ELMO1: variants seen among roughly 807,000 people sequenced by gnomAD.
The protein encoded by ELMO1 is engulfment and cell motility 1, also known as engulfment and cell motility protein 1.
Under a neutral mutation model 98.9 loss-of-function variants are expected in ELMO1, and 26 were observed. That is an observed-to-expected ratio of 0.26 (90% CI 0.19 to 0.36). The LOEUF is 0.36. Ranked by LOEUF, ELMO1 falls within the 10% of genes least tolerant of loss-of-function variation. The pLI is 1.00. For synonymous variants in ELMO1, 346 were observed against 346.0 expected (o/e 1.00, Z 0.00); for missense variants, 627 against 935.2 (o/e 0.67, Z 4.30).
In ELMO1 at chr7:36,920,789, CCTT is replaced by C. The variant is rs1468334906; in HGVS notation, c.1438-25775_1438-25773del. Among the ~76,000 whole-genome samples the C allele has an allele frequency of 4.6e-5, 7 of 152,202 alleles. No homozygotes were observed. In the South Asian group the frequency reaches 8.3e-4, roughly 18 times the overall value. On this transcript the variant is annotated intron_variant, in intron 16 of 21. Coordinates refer to ENST00000310758, the MANE Select transcript of ELMO1 (RefSeq NM_014800.11). ...TGAAATGCCGTCTTGCTTGAAAAGT[CCTT>C]CTTAACTCTCCCACAAGTCACTCTC...
At chr7:37,225,351 C>A (rs995695680) in intron 8 of ELMO1, among the ~76,000 whole-genome samples, 1 of 150,764 alleles carries the variant, frequency 6.6e-6, no homozygotes, top group East Asian at 1.9e-4. Flanking sequence ...AATTTCAACA[C>A]ATATATTGTA....
At chr7:37,276,952 G>A (rs991105933) in intron 4 of ELMO1, among the ~76,000 whole-genome samples, 1 of 152,170 alleles carries the variant, frequency 6.6e-6, no homozygotes, top group Admixed American at 6.5e-5. Flanking sequence ...TTTTACTTAT[G>A]CATCTTTTTT....
chr7:37,149,337 G>T (rs1370104955), intron 13 of ELMO1, among the ~76,000 whole-genome samples: 1 of 152,204 alleles, frequency 6.6e-6, no homozygotes, highest in Non-Finnish European at 1.5e-5. Flanking sequence ...AGCTGCAATT[G>T]TGGGGGTAGG....
At chr7:37,211,130 C>G (rs1792942954) in intron 13 of ELMO1, 1 of 396,398 alleles carries the variant, frequency 2.5e-6, no homozygotes, top group African/African-American at 2.0e-5. Flanking sequence ...TCCGGGCTAA[C>G]TACTCTCGGT....
At chr7:36,974,429 C>T (rs1277483804) in intron 16 of ELMO1, among the ~76,000 whole-genome samples, 1 of 152,192 alleles carries the variant, frequency 6.6e-6, no homozygotes, top group Admixed American at 6.5e-5. Context: ...CCAATCAGCA[C>T]CCTGTGTCTA....
intron 16 of ELMO1, among the ~76,000 whole-genome samples, chr7:36,992,340 A>C (rs1443206406): frequency 6.6e-6 from 1 of 152,216 alleles, no homozygotes; most frequent in African/African-American, 2.4e-5. Context: ...CCAGAAGAGC[A>C]TGGGCCTGAA....
At chr7:36,961,385 G>C (rs1032184932) in intron 16 of ELMO1, among the ~76,000 whole-genome samples, 3 of 152,076 alleles carry the variant, frequency 2.0e-5, no homozygotes, top group Non-Finnish European at 4.4e-5. Flanking sequence ...AGCAACCAAA[G>C]CTGTTTTAAA....
chr7:37,154,558 G>T (rs748115918), intron 13 of ELMO1, among the ~76,000 whole-genome samples: 1 of 152,182 alleles, frequency 6.6e-6, no homozygotes, highest in African/African-American at 2.4e-5. Context: ...GCGCAAGAAA[G>T]GATATCAGTG....
At chr7:37,272,575 T>C (rs1796622980) in intron 4 of ELMO1, among the ~76,000 whole-genome samples, 1 of 151,652 alleles carries the variant, frequency 6.6e-6, no homozygotes, top group African/African-American at 2.4e-5. Flanking sequence ...CTCAGAAGGC[T>C]GAGACAGGAG....
At chr7:37,177,384 T>C (rs990300770) in intron 13 of ELMO1, among the ~76,000 whole-genome samples, 2 of 152,222 alleles carry the variant, frequency 1.3e-5, no homozygotes, top group Non-Finnish European at 2.9e-5. Flanking sequence ...CTTCTTTCAA[T>C]AGTTCTCAAA....
intron 13 of ELMO1, among the ~76,000 whole-genome samples, chr7:37,188,516 T>TAATAAG (rs1791383116): frequency 8.0e-6 from 1 of 124,624 alleles, no homozygotes; most frequent in African/African-American, 3.2e-5. Context: ...ATAATAATAA[T>TAATAAG]AATAATAATA....
intron 20 of ELMO1, among the ~76,000 whole-genome samples, chr7:36,865,254 T>G (rs1802948072): frequency 6.6e-6 from 1 of 152,226 alleles, no homozygotes; most frequent in Admixed American, 6.5e-5. Context: ...GGGTAAAACC[T>G]TTTGATAAAA....
intron 7 of ELMO1, among the ~76,000 whole-genome samples, chr7:37,240,535 C>T (rs1794712881): frequency 6.6e-6 from 1 of 151,890 alleles, no homozygotes; most frequent in African/African-American, 2.4e-5. Context: ...ACTTAATTCA[C>T]ATTTTTTAAA....
At chr7:37,226,809 C>T (rs914433376) in intron 8 of ELMO1, among the ~76,000 whole-genome samples, 1 of 152,166 alleles carries the variant, frequency 6.6e-6, no homozygotes, top group African/African-American at 2.4e-5. Context: ...ATTTACTCAT[C>T]ATTAAGTGAT....
chr7:37,124,830 C>A (rs1380693493), intron 14 of ELMO1, among the ~76,000 whole-genome samples: 1 of 152,188 alleles, frequency 6.6e-6, no homozygotes, highest in Non-Finnish European at 1.5e-5. Context: ...ATTGCCAAGT[C>A]AATCCTGAGC....
intron 18 of ELMO1, among the ~76,000 whole-genome samples, chr7:36,885,880 G>T (rs1306334258): frequency 6.6e-6 from 1 of 152,116 alleles, no homozygotes; most frequent in Admixed American, 6.6e-5. Context: ...CCCTTGTTTT[G>T]CTGTTTCTTG....
Position 36,919,933 on chromosome 7 carries a change from G to A in ELMO1, c.1438-24916C>T, listed in dbSNP as rs544559221. 2.1e-3 allele frequency among the ~76,000 whole-genome samples: 315 copies of A among 152,228 alleles called. 1 individual carries two copies. The highest frequency in any genetic ancestry group is 6.2e-4 in the South Asian group (3 of 4,818). ...ACCATTCAGAACTATAATGTGTCAC[G>A]ACTGGGAACGCCCTATGAGATGCCA... On this transcript the variant is annotated intron_variant, in intron 16 of 21. Coordinates refer to ENST00000310758, the MANE Select transcript of ELMO1 (RefSeq NM_014800.11).
intron 13 of ELMO1, among the ~76,000 whole-genome samples, chr7:37,160,994 C>T (rs1789165886): frequency 6.6e-6 from 1 of 152,112 alleles, no homozygotes; most frequent in African/African-American, 2.4e-5. Flanking sequence ...GCCACTTCTT[C>T]CCCTACAACA....
chr7:37,172,248 G>A (rs935319618), intron 13 of ELMO1, among the ~76,000 whole-genome samples: 5 of 151,480 alleles, frequency 3.3e-5, no homozygotes, highest in South Asian at 2.1e-4. Context: ...GTTGAAAATC[G>A]CTGTTCTCAG....
Sources: allele counts gnomAD v4.1 joint callset (sites outside exome capture counted in the v4.1 genomes callset), GRCh38; gene constraint gnomAD v4.1.1; transcripts MANE v1.5; gene names NCBI Gene and HGNC (gene_info 2026-07-23, HGNC 2026-07-21).